The following GARRE1 variants were observed in gnomAD, a reference collection of about 807,000 sequenced individuals.
GARRE1 encodes the protein granule associated Rac and RHOG effector protein 1.
GARRE1 carries 49 observed loss-of-function variants against 103.2 expected under a neutral mutation model. The ratio of observed to expected loss-of-function variants is 0.47; its 90% CI spans 0.38 to 0.60. The LOEUF (loss-of-function observed/expected upper bound fraction) is 0.60, where lower values mean the gene tolerates loss of function less well. GARRE1 is among the 20% of genes least tolerant of loss of function. The pLI, the probability that GARRE1 is intolerant of heterozygous loss-of-function variation, is 0.00. For synonymous variants in GARRE1, 505 were observed against 532.8 expected, an observed-to-expected ratio of 0.95 and a Z score of 0.72; for missense variants, 1,199 against 1,370.5, an observed-to-expected ratio of 0.87 and a Z score of 1.98.
intron 1 of GARRE1, among the ~76,000 whole-genome samples, chr19:34,291,108 A>G (rs968259450): frequency 1.4e-4 from 22 of 151,776 alleles, no homozygotes; most frequent in Admixed American, 6.6e-4. Flanking sequence ...AGCTTTCACC[A>G]TGTTGGCCAG....
intron 1 of GARRE1, among the ~76,000 whole-genome samples, chr19:34,278,964 C>T (rs1305570166): frequency 6.6e-6 from 1 of 152,122 alleles, no homozygotes; most frequent in Non-Finnish European, 1.5e-5. Context: ...CCACTGCTTC[C>T]AGCCTTTCTT....
chr19:34,254,807 G>C (rs2038614771), intron 1 of GARRE1, among the ~76,000 whole-genome samples, 193 bp downstream of exon 1: 1 of 149,692 alleles, frequency 6.7e-6, no homozygotes. Context: ...GAGGACGCCG[G>C]GCTTTGCGGG....
intron 1 of GARRE1, among the ~76,000 whole-genome samples, chr19:34,293,639 C>T (rs528052543): frequency 2.0e-5 from 3 of 149,230 alleles, no homozygotes; most frequent in African/African-American, 7.4e-5. Context: ...AAGTGATCTG[C>T]CTGCTTTGGC....
At position 34,272,330 on chromosome 19, in the gene GARRE1, C is replaced by CT. The variant is rs2073792764; in HGVS notation, c.-796+17717dup. ...CTGGGTTCAAGTGATTCCCAGATAG[C>CT]TGGGATCACAGGCGCCCACCACCAT... is the stretch of plus-strand genomic sequence containing the variant. On this transcript the variant is annotated intron_variant, in intron 1 of 13. Coordinates refer to ENST00000299505, the MANE Select transcript of GARRE1 (RefSeq NM_014686.5). Among the ~76,000 whole-genome samples, 4 of 152,066 alleles carry CT rather than the reference C, an allele frequency of 2.6e-5. No individual in the cohort carries two copies. In the South Asian group the frequency reaches 8.3e-4, roughly 32 times the overall value.
chr19:34,353,133 C>A lies in GARRE1; in HGVS notation c.*178C>A. On this transcript the variant is annotated 3_prime_UTR_variant, in exon 14 of 14. Coordinates refer to ENST00000299505, the MANE Select transcript of GARRE1 (RefSeq NM_014686.5). ...GGCAGCTCCAAGCCTTTAAACCTGG[C>A]TTCTGAAACGATGGCATCAGAGCCC... 1 of 600,364 alleles carries A rather than the reference C, an allele frequency of 1.7e-6. No homozygotes were observed. The highest frequency in any genetic ancestry group is 2.8e-6 in the Non-Finnish European group (1 of 351,348). 37.2% of individuals were successfully genotyped at this position (600,364 alleles called of 1,614,324 possible).
At chr19:34,275,261 C>T (rs904695401) in intron 1 of GARRE1, among the ~76,000 whole-genome samples, 7 of 151,640 alleles carry the variant, frequency 4.6e-5, no homozygotes, top group African/African-American at 1.7e-4. Flanking sequence ...ATTCACATAC[C>T]ATACAGTTTA....
At position 34,300,300 on chromosome 19, in the gene GARRE1, A is replaced by G. The variant is rs1412480543; in HGVS notation, c.-174A>G. On this transcript the variant is annotated 5_prime_UTR_variant, in exon 2 of 14. Coordinates refer to ENST00000299505, the MANE Select transcript of GARRE1 (RefSeq NM_014686.5). ...TACACTGAAAATATTAATTATATAAACCTGTTGTCTCTCACCTCTACATTG... is the reference window on the plus strand; with the variant it reads ...TACACTGAAAATATTAATTATATAAGCCTGTTGTCTCTCACCTCTACATTG... 13 of 581,306 alleles carry G rather than the reference A, an allele frequency of 2.2e-5. No individual in the cohort carries two copies. The East Asian group carries it at 3.7e-4, about 16-fold the overall frequency. 36.0% of individuals were successfully genotyped at this position (581,306 alleles called of 1,614,324 possible).
Position 34,334,836 on chromosome 19 carries a change from C to T in GARRE1, c.1361+1035C>T, listed in dbSNP as rs542531449. On this transcript the variant is annotated intron_variant, in intron 8 of 13. Transcript: ENST00000299505. ...TGGAAGGCCGAGGCGGCCAGATCTCCTGAGGTCAGGAGTTCCAGACCAGCC... is the reference window on the plus strand; with the variant it reads ...TGGAAGGCCGAGGCGGCCAGATCTCTTGAGGTCAGGAGTTCCAGACCAGCC... Among the ~76,000 whole-genome samples the T allele has an allele frequency of 2.6e-5, 4 of 152,244 alleles. No individual in the cohort carries two copies. The South Asian group carries it at 8.3e-4, about 32-fold the overall frequency.
rs2074242533 is a variant in GARRE1, at chr19:34,352,359, A to ACG, written c.2905-287_2905-286insGC. ...AGAGGTTGCAGTGAGCCGAGATCGT[A>ACG]CCACTGCACTCCAGCCTGGGCGAGA... On this transcript the variant is annotated intron_variant, in intron 13 of 13. Coordinates refer to ENST00000299505, the MANE Select transcript of GARRE1 (RefSeq NM_014686.5). Among the ~76,000 whole-genome samples, 22 of 150,572 alleles carry ACG rather than the reference A, an allele frequency of 1.5e-4. No homozygotes were observed. The South Asian group carries it at 4.6e-3, about 32-fold the overall frequency.
In GARRE1 at chr19:34,353,602, G is replaced by A. The variant is rs2074252984; in HGVS notation, c.*647G>A. The A allele has an allele frequency of 6.6e-6, 1 of 152,200 alleles. No homozygotes were observed. The highest frequency in any genetic ancestry group is 1.5e-5 in the Non-Finnish European group (1 of 68,038). 9.4% of individuals were successfully genotyped at this position (152,200 alleles called of 1,614,324 possible). On this transcript the variant is annotated 3_prime_UTR_variant, in exon 14 of 14. Coordinates refer to ENST00000299505, the MANE Select transcript of GARRE1 (RefSeq NM_014686.5). ...GCAGTCACCTGGGGTTTCTGGGGGT[G>A]GACAGTTCCTCGCCACCCAGCAGCA...
intron 2 of GARRE1, among the ~76,000 whole-genome samples, chr19:34,301,529 A>G (rs1395492880): frequency 6.8e-6 from 1 of 147,976 alleles, no homozygotes; most frequent in African/African-American, 2.5e-5. Context: ...AAAAAAAAAA[A>G]AAAAAAAAAG....
intron 10 of GARRE1, among the ~76,000 whole-genome samples, chr19:34,345,031 G>T (rs2074204830): frequency 6.6e-6 from 1 of 152,128 alleles, no homozygotes; most frequent in Non-Finnish European, 1.5e-5. Context: ...ATAGAGACGG[G>T]GTTTCACTGT....
chr19:34,319,929 CTG>C lies in GARRE1; in HGVS notation c.521_522del (p.Val174GlyfsTer25). Reference sequence around the variant, plus strand: ...CAGGTGTTGGGGCGATGTTTCCTGACTGTGGTGCAAGTCCATTTCCAGTTTTT... The same window carrying C: ...CAGGTGTTGGGGCGATGTTTCCTGACTGGTGCAAGTCCATTTCCAGTTTTT... On this transcript the variant is annotated frameshift_variant, in exon 3 of 14. Transcript: ENST00000299505. LOFTEE classifies it high-confidence loss of function. 1 of 1,614,246 alleles carries C rather than the reference CTG, an allele frequency of 6.2e-7. No individual in the cohort carries two copies. Among genetic ancestry groups the C allele is most frequent in the Non-Finnish European group, 8.5e-7 (1 of 1,180,038 alleles).
At position 34,349,324 on chromosome 19, in the gene GARRE1, G is replaced by A. The variant is rs529235790; in HGVS notation, c.2825+171G>A. ...CCTCTGAAGAGCACCTGCAGGAGGC[G>A]GTTTCCACAAGGAAGAGCCGGCCTC... On this transcript the variant is annotated intron_variant, in intron 12 of 13. Coordinates refer to ENST00000299505, the MANE Select transcript of GARRE1 (RefSeq NM_014686.5). Among the ~76,000 whole-genome samples, 60 of 152,270 alleles carry A rather than the reference G, an allele frequency of 3.9e-4. No homozygotes were observed. In the South Asian group the frequency reaches 0.011, roughly 27 times the overall value.
At chr19:34,324,865 AT>A (rs1267689827) in intron 3 of GARRE1, among the ~76,000 whole-genome samples, 1 of 151,812 alleles carries the variant, frequency 6.6e-6, no homozygotes, top group South Asian at 2.1e-4. Context: ...ATATTTTAAT[AT>A]TTTTTCCGTA....
chr19:34,259,212 A>C (rs1335328542), intron 1 of GARRE1, among the ~76,000 whole-genome samples: 1 of 152,232 alleles, frequency 6.6e-6, no homozygotes, highest in African/African-American at 2.4e-5. Flanking sequence ...TCACTTATCA[A>C]GGTGTCCTGT....
intron 1 of GARRE1, among the ~76,000 whole-genome samples, chr19:34,298,798 C>A (rs974857624): frequency 2.6e-5 from 4 of 152,204 alleles, no homozygotes; most frequent in African/African-American, 9.6e-5. Flanking sequence ...CAGATGGTTT[C>A]AAGCAAATGT....
chr19:34,255,168 C>A (rs1386218056), intron 1 of GARRE1, among the ~76,000 whole-genome samples: 1 of 88,332 alleles, frequency 1.1e-5, no homozygotes, highest in Non-Finnish European at 2.3e-5. Flanking sequence ...AGCCAGCTGG[C>A]GCATTGGGCC....
chr19:34,260,359 TAAAA>T (rs375868019), intron 1 of GARRE1, among the ~76,000 whole-genome samples: 5 of 152,300 alleles, frequency 3.3e-5, no homozygotes, highest in South Asian at 2.1e-4. Context: ...TACAGGAAAA[TAAAA>T]AACATCATGT....
Sources: gnomAD v4.1 joint callset for allele counts (sites outside exome capture counted in the v4.1 genomes callset) on GRCh38, gnomAD v4.1.1 for gene constraint, MANE v1.5 for transcripts, NCBI Gene and HGNC (gene_info 2026-07-23, HGNC 2026-07-21) for gene names.